Variants in APP observed in about 807,000 individuals in gnomAD.
APP encodes the protein amyloid beta precursor protein.
APP carries 31 observed loss-of-function variants against 101.4 expected under a neutral mutation model. That is an observed-to-expected ratio of 0.31 (90% CI 0.23 to 0.41). APP has a LOEUF of 0.41. APP is among the 10% of genes least tolerant of loss of function. The pLI, the probability that APP is intolerant of heterozygous loss-of-function variation, is 1.00. For missense variants in APP, 839 were observed against 1,003.7 expected (o/e 0.84, Z 2.22); for synonymous variants, 366 against 364.4 (o/e 1.00, Z -0.05).
intron 15 of APP, 190 bp from the exon 16 acceptor site, chr21:25,897,863 A>G: frequency 3.3e-6 from 2 of 601,480 alleles, no homozygotes. Flanking sequence ...TTGAACAAAA[A>G]GAAATGAAAG....
intron 6 of APP, among the ~76,000 whole-genome samples, chr21:26,021,389 T>G (rs2044330572): frequency 6.6e-6 from 1 of 152,030 alleles, no homozygotes; most frequent in Non-Finnish European, 1.5e-5. Flanking sequence ...AACTACTCAC[T>G]CAACTAAGAT....
intron 15 of APP, among the ~76,000 whole-genome samples, chr21:25,903,060 T>TA (rs1555892134): frequency 1.4e-5 from 2 of 140,570 alleles, no homozygotes; most frequent in Non-Finnish European, 3.0e-5. Context: ...AGATTTAGAT[T>TA]AAAAAAAATT....
chr21:26,139,225 A>G (rs915472284), intron 1 of APP, among the ~76,000 whole-genome samples: 2 of 152,256 alleles, frequency 1.3e-5, no homozygotes, highest in African/African-American at 4.8e-5. Flanking sequence ...AGAGAAAAGG[A>G]CAGAAGAGTC....
At chr21:25,894,572 TAAC>T (rs1248413739) in intron 16 of APP, among the ~76,000 whole-genome samples, 1 of 152,150 alleles carries the variant, frequency 6.6e-6, no homozygotes, top group Non-Finnish European at 1.5e-5. Flanking sequence ...GTGGTGGAAA[TAAC>T]AAGAGAACTA....
intron 11 of APP, among the ~76,000 whole-genome samples, chr21:25,960,680 G>C (rs1456221327): frequency 6.6e-6 from 1 of 152,148 alleles, no homozygotes; most frequent in African/African-American, 2.4e-5. Flanking sequence ...TGAGACCTGG[G>C]AAACCCCTTC....
intron 2 of APP, among the ~76,000 whole-genome samples, chr21:26,095,276 G>A (rs2061917167): frequency 1.3e-5 from 2 of 152,186 alleles, no homozygotes; most frequent in Admixed American, 1.3e-4. Context: ...ACCATGCCCA[G>A]CCAACAATAA....
chr21:26,015,773 T>C (rs1474742145), intron 6 of APP, among the ~76,000 whole-genome samples: 1 of 124,110 alleles, frequency 8.1e-6, no homozygotes, highest in African/African-American at 3.1e-5. Context: ...CACCGTCTTA[T>C]AGTGAGAATC....
intron 1 of APP, among the ~76,000 whole-genome samples, chr21:26,169,910 G>A (rs981149431): frequency 6.6e-6 from 1 of 152,212 alleles, no homozygotes. Context: ...CATGCACAAA[G>A]TTTGCCTGTG....
At chr21:26,037,198 G>C (rs2045155351) in intron 5 of APP, among the ~76,000 whole-genome samples, 1 of 152,278 alleles carries the variant, frequency 6.6e-6, no homozygotes, top group South Asian at 2.1e-4. Flanking sequence ...TAGAACAGAG[G>C]ATGATGGAGG....
chr21:26,062,784 A>G (rs1469828081), intron 3 of APP, among the ~76,000 whole-genome samples: 3 of 151,924 alleles, frequency 2.0e-5, no homozygotes, highest in African/African-American at 7.3e-5. Context: ...TTTTTTTAAG[A>G]AAGAGTCTTA....
Position 26,099,776 on chromosome 21 carries a change from C to CGCTGAGAGGCAGCGTGCA in APP, c.226-9722_226-9705dup, listed in dbSNP as rs1461281856. Among the ~76,000 whole-genome samples, 5 of 152,154 alleles carry CGCTGAGAGGCAGCGTGCA rather than the reference C, an allele frequency of 3.3e-5. No homozygotes were observed. The East Asian group carries it at 7.7e-4, about 23-fold the overall frequency. On this transcript the variant is annotated intron_variant, in intron 2 of 17. Transcript: ENST00000346798. ...GTTCTCTGCTTGCAACTTAATGAGG[C>CGCTGAGAGGCAGCGTGCA]GCTGAGAGGCAGCGTGCAGCTGATG...
At chr21:25,906,807 C>T (rs984445308) in intron 14 of APP, among the ~76,000 whole-genome samples, 3 of 152,164 alleles carry the variant, frequency 2.0e-5, no homozygotes, top group Non-Finnish European at 4.4e-5. Flanking sequence ...CAGTTAAGAA[C>T]ACAACAGACC....
chr21:26,126,273 T>G (rs2830069), intron 1 of APP, among the ~76,000 whole-genome samples: 14,593 of 152,274 alleles, frequency 0.096, 893 homozygotes, highest in Admixed American at 0.15. Context: ...TTTAGGTAAT[T>G]AGAATAGAAG....
chr21:26,087,401 T>C (rs1022935437), intron 3 of APP, among the ~76,000 whole-genome samples: 4 of 152,222 alleles, frequency 2.6e-5, no homozygotes, highest in African/African-American at 7.2e-5. Context: ...TCTAGTCCCA[T>C]AGTAGTCAAG....
intron 5 of APP, among the ~76,000 whole-genome samples, chr21:26,049,437 C>G (rs753176319): frequency 6.6e-6 from 1 of 152,002 alleles, no homozygotes; most frequent in African/African-American, 2.4e-5. Context: ...GAGAGAGTTA[C>G]GCTGGGAACC....
At chr21:26,152,290 A>AAAAAAAAAAAAAAAAC (rs1569038071) in intron 1 of APP, among the ~76,000 whole-genome samples, 1 of 144,972 alleles carries the variant, frequency 6.9e-6, no homozygotes, top group African/African-American at 2.7e-5. Flanking sequence ...ATCTCAAAAA[A>AAAAAAAAAAAAAAAAC]AAAAAAAAAA....
In APP at chr21:25,950,961, G is replaced by C. The variant is rs56253347; in HGVS notation, c.1687+3629C>G. ...AACAAGTAAATTTCCAGAAGGACAT[G>C]AGTGTTATACACATTGATTGCAGGT... is the stretch of plus-strand genomic sequence containing the variant. On this transcript the variant is annotated intron_variant, in intron 13 of 17. Transcript: ENST00000346798. Among the ~76,000 whole-genome samples the C allele has an allele frequency of 3.9e-3, 588 of 152,312 alleles. 6 individuals are homozygous for C. Among genetic ancestry groups the C allele is most frequent in the African/African-American group, 0.013 (559 of 41,560 alleles).
rs757676270 is a variant in APP at position 25,897,535 on chromosome 21, A to G, written c.2064+38T>C. ...CAGAGTTAATAGGTCATTTGGCAAG[A>G]CAAACAGTAGTGGAAAGAGGTAAAT... On this transcript the variant is annotated intron_variant, in intron 16 of 17. Coordinates refer to ENST00000346798, the MANE Select transcript of APP (RefSeq NM_000484.4). The G allele has an allele frequency of 2.9e-5, 43 of 1,486,988 alleles. No individual in the cohort carries two copies. The Admixed American group carries it at 7.2e-4, about 25-fold the overall frequency. The allele number at this position is 1,486,988 out of a possible 1,614,324, so 92.1% of individuals were successfully genotyped here. A position where few individuals can be genotyped will look rare whatever the true frequency, so the allele number is the denominator to read the frequency against.
At chr21:26,102,117 T>A (rs1384832927) in intron 2 of APP, among the ~76,000 whole-genome samples, 12 of 736 alleles carry the variant, frequency 0.016, no homozygotes, top group African/African-American at 0.074. Flanking sequence ...AGCCGGAGTC[T>A]CGCTCTTGTC....
Sources: allele counts gnomAD v4.1 joint callset (sites outside exome capture counted in the v4.1 genomes callset), GRCh38; gene constraint gnomAD v4.1.1; transcripts MANE v1.5; gene names NCBI Gene and HGNC (gene_info 2026-07-23, HGNC 2026-07-21).